Variants in KCND2 observed in about 807,000 individuals in gnomAD.
KCND2 encodes the protein potassium voltage-gated channel subfamily D member 2.
KCND2 carries 16 observed loss-of-function variants against 54.4 expected under a neutral mutation model. The ratio of observed to expected loss-of-function variants is 0.29; its 90% CI spans 0.20 to 0.45. The LOEUF is 0.45. KCND2 is among the 20% of genes least tolerant of loss of function. The pLI is 1.00. For synonymous variants in KCND2, 317 were observed against 310.7 expected (o/e 1.02, Z -0.21); for missense variants, 486 against 824.2 (o/e 0.59, Z 5.02).
At chr7:120,684,095 T>C (rs1792172388) in intron 1 of KCND2, among the ~76,000 whole-genome samples, 2 of 152,140 alleles carry the variant, frequency 1.3e-5, no homozygotes, top group South Asian at 4.1e-4. Context: ...TACTTCATCA[T>C]CACCTGAAAG....
chr7:120,673,596 C>T (rs1297722885), intron 1 of KCND2, among the ~76,000 whole-genome samples: 1 of 152,106 alleles, frequency 6.6e-6, no homozygotes, highest in Non-Finnish European at 1.5e-5. Context: ...TTGTATCAAC[C>T]TCCTTGCTGG....
At chr7:120,711,658 A>G (rs1792539764) in intron 1 of KCND2, among the ~76,000 whole-genome samples, 1 of 152,190 alleles carries the variant, frequency 6.6e-6, no homozygotes, top group Non-Finnish European at 1.5e-5. Context: ...TTCTTTATGA[A>G]CAAGTAAAAG....
intron 1 of KCND2, among the ~76,000 whole-genome samples, chr7:120,575,582 A>G (rs1002549852): frequency 3.3e-5 from 5 of 152,150 alleles, no homozygotes; most frequent in Non-Finnish European, 7.4e-5. Flanking sequence ...GTATCCTTCA[A>G]TCCAATCAAG....
intron 1 of KCND2, among the ~76,000 whole-genome samples, chr7:120,293,326 A>T (rs899232343): frequency 6.6e-6 from 1 of 151,970 alleles, no homozygotes; most frequent in African/African-American, 2.4e-5. Context: ...AGATCATTGT[A>T]CCTGAAAGCA....
chr7:120,333,207 G>A (rs1405030096), intron 1 of KCND2, among the ~76,000 whole-genome samples: 2 of 152,044 alleles, frequency 1.3e-5, no homozygotes, highest in East Asian at 1.9e-4. Context: ...ATTTATAAAG[G>A]GGGTTCAAGT....
chr7:120,463,947 A>ATAGAT (rs1220484871), intron 1 of KCND2: 2 of 456,610 alleles, frequency 4.4e-6, no homozygotes, highest in South Asian at 9.3e-5. Flanking sequence ...AGATAGATCG[A>ATAGAT]CAGATGGATA....
chr7:120,497,431 C>G (rs1014719348), intron 1 of KCND2, among the ~76,000 whole-genome samples: 3 of 152,182 alleles, frequency 2.0e-5, no homozygotes, highest in Non-Finnish European at 4.4e-5. Flanking sequence ...GAACATTTAA[C>G]AAGATAAGTT....
chr7:120,475,093 A>G (rs938828022), intron 1 of KCND2, among the ~76,000 whole-genome samples: 27 of 152,248 alleles, frequency 1.8e-4, no homozygotes, highest in Non-Finnish European at 5.9e-5. Context: ...ATGTTGCTAT[A>G]AGAAATCCTA....
chr7:120,623,821 T>C (rs1345035973), intron 1 of KCND2, among the ~76,000 whole-genome samples: 2 of 152,148 alleles, frequency 1.3e-5, no homozygotes, highest in African/African-American at 2.4e-5. Context: ...AAAATGTGAA[T>C]GGCTGAAGTG....
chr7:120,621,343 A>G (rs1004983290), intron 1 of KCND2, among the ~76,000 whole-genome samples: 1 of 148,092 alleles, frequency 6.8e-6, no homozygotes, highest in South Asian at 2.1e-4. Context: ...TCTCTCTCCT[A>G]TTCTTATTCT....
At chr7:120,348,887 G>A (rs1800362208) in intron 1 of KCND2, among the ~76,000 whole-genome samples, 2 of 152,116 alleles carry the variant, frequency 1.3e-5, no homozygotes, top group South Asian at 2.1e-4. Context: ...TAGGTGTCAT[G>A]TCTTACTCAT....
At chr7:120,372,296 C>T (rs879527381) in intron 1 of KCND2, among the ~76,000 whole-genome samples, 19 of 151,734 alleles carry the variant, frequency 1.3e-4, no homozygotes, top group Non-Finnish European at 2.8e-4. Flanking sequence ...CTCCATTCCT[C>T]GACACTGCTC....
chr7:120,290,055 C>T (rs111901629), intron 1 of KCND2, among the ~76,000 whole-genome samples: 1 of 152,024 alleles, frequency 6.6e-6, no homozygotes, highest in Non-Finnish European at 1.5e-5. Context: ...CCTCAATATG[C>T]GTGCTGACAA....
chr7:120,389,954 CT>C, intron 1 of KCND2, among the ~76,000 whole-genome samples: 1 of 151,928 alleles, frequency 6.6e-6, no homozygotes, highest in Non-Finnish European at 1.5e-5. Context: ...ACACTATAAA[CT>C]TATGTTCACC....
intron 1 of KCND2, among the ~76,000 whole-genome samples, chr7:120,703,669 G>A (rs1792430587): frequency 6.6e-6 from 1 of 152,182 alleles, no homozygotes; most frequent in South Asian, 2.1e-4. Context: ...CCCAGAGTGA[G>A]AAAGTAGCTA....
intron 1 of KCND2, among the ~76,000 whole-genome samples, chr7:120,385,926 G>A (rs1400414243): frequency 6.6e-6 from 1 of 152,090 alleles, no homozygotes; most frequent in Non-Finnish European, 1.5e-5. Flanking sequence ...CTGGAAATGA[G>A]TGCAGTGATC....
At chr7:120,437,204 C>CTTT (rs66518858) in intron 1 of KCND2, among the ~76,000 whole-genome samples, 3 of 130,426 alleles carry the variant, frequency 2.3e-5, no homozygotes, top group African/African-American at 3.0e-5. Context: ...CAATATACAA[C>CTTT]TTTTTTTTTT....
At chr7:120,612,153 A>G (rs1257370703) in intron 1 of KCND2, among the ~76,000 whole-genome samples, 1 of 151,782 alleles carries the variant, frequency 6.6e-6, no homozygotes, top group African/African-American at 2.4e-5. Flanking sequence ...GAGCTATTGC[A>G]TCATTGCTAA....
At chr7:120,611,963 A>T (rs1390888659) in intron 1 of KCND2, among the ~76,000 whole-genome samples, 1 of 152,194 alleles carries the variant, frequency 6.6e-6, no homozygotes, top group Non-Finnish European at 1.5e-5. Flanking sequence ...TACCAGAAAA[A>T]GTGTGTTTAA....
Sources: gnomAD v4.1 joint callset for allele counts (sites outside exome capture counted in the v4.1 genomes callset) on GRCh38, gnomAD v4.1.1 for gene constraint, MANE v1.5 for transcripts, NCBI Gene and HGNC (gene_info 2026-07-23, HGNC 2026-07-21) for gene names.